The following PLB1 variants were observed in gnomAD, a reference collection of about 807,000 sequenced individuals.
PLB1 encodes the protein phospholipase B1.
In PLB1, 242 loss-of-function variants were observed where a neutral mutation model predicts 227.4. The observed-to-expected ratio is 1.06, with a 90% CI of 0.96 to 1.18. PLB1 has a LOEUF of 1.18. Ranked by LOEUF, PLB1 falls within the 50% of genes most tolerant of loss-of-function variation. PLB1 has a pLI of 0.00. For synonymous variants in PLB1, 757 were observed against 682.2 expected, an observed-to-expected ratio of 1.11 and a Z score of -1.71; for missense variants, 1,858 against 1,816.3, an observed-to-expected ratio of 1.02 and a Z score of -0.42.
intron 1 of PLB1, among the ~76,000 whole-genome samples, chr2:28,515,951 A>G (rs1407359155): frequency 1.3e-5 from 2 of 152,264 alleles, no homozygotes; most frequent in African/African-American, 4.8e-5. Context: ...TTGCATGCAC[A>G]CAGATTATAA....
At chr2:28,588,306 C>T (rs1681266719) in intron 26 of PLB1, among the ~76,000 whole-genome samples, 1 of 152,188 alleles carries the variant, frequency 6.6e-6, no homozygotes, top group Non-Finnish European at 1.5e-5. Context: ...CAGCCAACAT[C>T]CTCCATTTAC....
At position 28,566,539 on chromosome 2, in the gene PLB1, ACCTCC is replaced by A; in HGVS notation, c.1281-253_1281-249del. The A allele has an allele frequency of 6.1e-6, 3 of 493,052 alleles. No individual in the cohort carries two copies. The South Asian group carries it at 8.4e-5, about 14-fold the overall frequency. The allele number at this position is 493,052 out of a possible 1,614,324, so 30.5% of individuals were successfully genotyped here. A position where few individuals can be genotyped will look rare whatever the true frequency, so the allele number is the denominator to read the frequency against. On this transcript the variant is annotated intron_variant, in intron 19 of 57. Coordinates refer to ENST00000327757, the MANE Select transcript of PLB1 (RefSeq NM_153021.5). The stretch of plus-strand genomic sequence containing the variant: ...AAGCAGGGGTGCAAGGAACCAACCT[ACCTCC>A]CCTTCCCCAACATCAGCGAAAATCA...
At chr2:28,516,583 C>T (rs1463897840) in intron 1 of PLB1, among the ~76,000 whole-genome samples, 2 of 152,108 alleles carry the variant, frequency 1.3e-5, no homozygotes, top group East Asian at 1.9e-4. Flanking sequence ...AACACTTTTG[C>T]TTTTTCACCT....
rs1345485213 is a variant in PLB1, at chr2:28,629,111, C to T, written c.3744C>T (p.Val1248=). Residue 1248 remains valine (V), a synonymous_variant, in exon 53 of 58, where the codon GTC becomes GTT. Transcript: ENST00000327757. ...CCCTGCAGCTCCCAAGGGCTTTCGT[C>T]AACGTGGTGGAGGTCATGGAGCTGG... ...ILSEELPRAF[V]NVVEVMELAS... The T allele has an allele frequency of 1.2e-6, 2 of 1,613,718 alleles. No homozygotes were observed. Among genetic ancestry groups the T allele is most frequent in the African/African-American group, 1.3e-5 (1 of 74,920 alleles).
chr2:28,565,338 G>A lies in PLB1; in HGVS notation c.1265G>A (p.Arg422Gln), dbSNP rs755710557. The change falls in exon 19 of 58, where the codon CGA becomes CAA. Residue 422 changes from arginine (R) to glutamine (Q), a missense_variant. Transcript: ENST00000327757. ...GTCTTGGACGTCTTGACTCAGTACC[G>A]AGGCCTGTCCTGGAGGTGAGTGAGG... ...GNVLDVLTQY[R>Q]GLSWSVGGDE... 27 of 1,609,372 alleles carry A rather than the reference G, an allele frequency of 1.7e-5. No homozygotes were observed. Among genetic ancestry groups the A allele is most frequent in the East Asian group, 4.5e-5 (2 of 44,806 alleles).
chr2:28,623,398 C>T (rs191711112), intron 49 of PLB1, among the ~76,000 whole-genome samples: 4 of 152,264 alleles, frequency 2.6e-5, no homozygotes, highest in Non-Finnish European at 4.4e-5. Flanking sequence ...ACTTCCCCTC[C>T]TACCCACGAG....
chr2:28,601,198 G>A, intron 36 of PLB1, 54 bp from the exon 37 acceptor site: 1 of 1,431,418 alleles, frequency 7.0e-7, no homozygotes, highest in South Asian at 1.2e-5. Flanking sequence ...CTAGGGCAGG[G>A]ATATTTTCAT....
chr2:28,582,155 G>T, intron 24 of PLB1, 22 bp downstream of exon 24: 1 of 1,608,176 alleles, frequency 6.2e-7, no homozygotes, highest in Non-Finnish European at 8.5e-7. Flanking sequence ...AGGCCATGAG[G>T]CCTGCATCTT....
intron 4 of PLB1, among the ~76,000 whole-genome samples, chr2:28,523,599 G>C (rs1669837544): frequency 6.6e-6 from 1 of 152,038 alleles, no homozygotes; most frequent in African/African-American, 2.4e-5. Context: ...TGCCCTCTGA[G>C]CCCTTCCCCC....
At chr2:28,597,965 G>GT (rs1371575585) in intron 33 of PLB1, 40 bp from the exon 34 acceptor site, 3 of 1,584,328 alleles carry the variant, frequency 1.9e-6, no homozygotes, top group Non-Finnish European at 2.6e-6. Flanking sequence ...CAACCAATAT[G>GT]TCTCTCCCTC....
chr2:28,537,262 C>T (rs887486560), intron 9 of PLB1, among the ~76,000 whole-genome samples: 10 of 152,164 alleles, frequency 6.6e-5, no homozygotes, highest in South Asian at 2.1e-4. Flanking sequence ...GTGTCCCCTC[C>T]GGGAAACAGA....
intron 35 of PLB1, among the ~76,000 whole-genome samples, chr2:28,599,436 G>C (rs1683510773): frequency 6.6e-6 from 1 of 152,170 alleles, no homozygotes; most frequent in Non-Finnish European, 1.5e-5. Context: ...GTGGCCCCCA[G>C]ACCCACTCCC....
At chr2:28,555,863 C>T (rs1428721643) in intron 17 of PLB1, among the ~76,000 whole-genome samples, 7 of 128,148 alleles carry the variant, frequency 5.5e-5, no homozygotes, top group Admixed American at 1.6e-4. Context: ...AGTTACTTTC[C>T]TTTTTTTTTT....
At chr2:28,587,679 C>G (rs1018002611) in intron 26 of PLB1, among the ~76,000 whole-genome samples, 7 of 152,126 alleles carry the variant, frequency 4.6e-5, no homozygotes, top group Non-Finnish European at 8.8e-5. Flanking sequence ...ACTGTCACTG[C>G]TGCTTCTAGG....
chr2:28,641,378 C>A (rs1005374992), intron 57 of PLB1, among the ~76,000 whole-genome samples: 1 of 152,158 alleles, frequency 6.6e-6, no homozygotes, highest in Non-Finnish European at 1.5e-5. Flanking sequence ...GAGGCCGAGG[C>A]GGTCAGATCA....
chr2:28,601,388 T>G (rs1428254896), intron 37 of PLB1, 56 bp downstream of exon 37: 26 of 1,452,452 alleles, frequency 1.8e-5, no homozygotes, highest in Non-Finnish European at 2.5e-5. Context: ...CCAGTAGGCG[T>G]TGGAGATCTT....
At position 28,642,962 on chromosome 2, in the gene PLB1, C is replaced by T. The variant is rs377388116; in HGVS notation, c.4278C>T (p.Val1426=). 4.8e-5 allele frequency: 78 copies of T among 1,609,170 alleles called. No individual in the cohort carries two copies. The Middle Eastern group carries it at 8.2e-4, about 17-fold the overall frequency. ...GGGCTGTCCCAGTGGCAGCGGGAGT[C>T]GGCCTTGTGGTGGGCATCATCGGGA... ...LYWAVPVAAG[V]GLVVGIIGTV... The change falls in exon 58 of 58, where the codon GTC becomes GTT. Residue 1426 remains valine (V), a synonymous_variant. Transcript: ENST00000327757.
At position 28,534,113 on chromosome 2, in the gene PLB1, A is replaced by G. The variant is rs1401776261; in HGVS notation, c.555+1919A>G. Among the ~76,000 whole-genome samples the G allele has an allele frequency of 2.0e-5, 3 of 152,184 alleles. No individual in the cohort carries two copies. The East Asian group carries it at 5.8e-4, about 29-fold the overall frequency. ...TATGTACTACTGAACAGTTTTTTTC[A>G]CTAACCAAGTATTGTTGAGATCTAG... On this transcript the variant is annotated intron_variant, in intron 9 of 57. Transcript: ENST00000327757.
At chr2:28,509,722 C>T (rs1668015587) in intron 1 of PLB1, among the ~76,000 whole-genome samples, 1 of 152,094 alleles carries the variant, frequency 6.6e-6, no homozygotes, top group Admixed American at 6.5e-5. Flanking sequence ...AGTTCAAAGC[C>T]CTTCATATAT....
Sources: allele counts gnomAD v4.1 joint callset (sites outside exome capture counted in the v4.1 genomes callset), GRCh38; gene constraint gnomAD v4.1.1; transcripts MANE v1.5; gene names NCBI Gene and HGNC (gene_info 2026-07-23, HGNC 2026-07-21).